The following MMS22L variants were observed in gnomAD, a reference collection of about 807,000 sequenced individuals.
The protein encoded by MMS22L is MMS22 like, DNA repair protein.
MMS22L carries 74 observed loss-of-function variants against 159.1 expected under a neutral mutation model. The observed-to-expected ratio is 0.47, with a 90% CI of 0.39 to 0.56. The LOEUF is 0.56. Ranked by LOEUF, MMS22L falls within the 20% of genes least tolerant of loss-of-function variation. The probability of loss-of-function intolerance (pLI) is 0.00; values close to 1 mark genes in which losing one functional copy is unlikely to be tolerated. For missense variants in MMS22L, 1,351 were observed against 1,422.1 expected, an observed-to-expected ratio of 0.95 and a Z score of 0.80; for synonymous variants, 517 against 506.9, an observed-to-expected ratio of 1.02 and a Z score of -0.27.
chr6:97,155,625 C>T (rs1801756973), intron 22 of MMS22L, among the ~76,000 whole-genome samples: 1 of 152,148 alleles, frequency 6.6e-6, no homozygotes, highest in South Asian at 2.1e-4. Context: ...CACCCACGTC[C>T]CTGCAAAGGA....
At chr6:97,203,161 G>T (rs2128303592) in intron 14 of MMS22L, among the ~76,000 whole-genome samples, 2 of 152,156 alleles carry the variant, frequency 1.3e-5, no homozygotes, top group Admixed American at 1.3e-4. Flanking sequence ...TTCTTATCTT[G>T]TTCTTCAAAA....
chr6:97,215,558 T>C (rs1426138322), intron 14 of MMS22L, among the ~76,000 whole-genome samples: 2 of 152,198 alleles, frequency 1.3e-5, no homozygotes, highest in Non-Finnish European at 2.9e-5. Flanking sequence ...TGAGCTCATC[T>C]GTGGCCCATG....
rs1804489134 is a variant in MMS22L, at chr6:97,179,565, G to A, written c.2385-6C>T. 6.3e-7 allele frequency: 1 copy of A among 1,587,988 alleles called. No homozygotes were observed. The highest frequency in any genetic ancestry group is 1.4e-5 in the African/African-American group (1 of 73,346). The stretch of plus-strand genomic sequence containing the variant: ...AAAGTGCTTCACATAATGTGCTGTA[G>A]AAACAAATTGACAAATATTTTTAAA... On this transcript the variant is annotated splice_polypyrimidine_tract_variant and splice_region_variant and intron_variant, in intron 16 of 24. Transcript: ENST00000683635.
chr6:97,265,276 A>C (rs1338498927), intron 8 of MMS22L: 1 of 152,222 alleles, frequency 6.6e-6, no homozygotes, highest in Non-Finnish European at 1.5e-5. Flanking sequence ...TTCTTCAATA[A>C]ACAGGTTGGG....
intron 17 of MMS22L, among the ~76,000 whole-genome samples, chr6:97,179,115 T>A (rs1217588812): frequency 5.3e-5 from 8 of 152,192 alleles, no homozygotes; most frequent in African/African-American, 1.9e-4. Context: ...TCAGTTTCTT[T>A]AAAAAAATAG....
chr6:97,217,106 T>C (rs1012083300), intron 14 of MMS22L, among the ~76,000 whole-genome samples: 4 of 152,180 alleles, frequency 2.6e-5, no homozygotes, highest in Admixed American at 2.0e-4. Flanking sequence ...GGTTTCATCC[T>C]AGAAAAATCA....
intron 4 of MMS22L, among the ~76,000 whole-genome samples, chr6:97,277,121 A>G (rs761134842): frequency 1.1e-4 from 16 of 152,190 alleles, no homozygotes; most frequent in Admixed American, 3.9e-4. Context: ...TTTTCATAAA[A>G]CATAAAAAAT....
At chr6:97,239,901 ACT>A (rs1241819710) in intron 11 of MMS22L, among the ~76,000 whole-genome samples, 2 of 152,134 alleles carry the variant, frequency 1.3e-5, no homozygotes. Flanking sequence ...ACAGTGAAAG[ACT>A]CTGTCTCTTT....
intron 14 of MMS22L, among the ~76,000 whole-genome samples, chr6:97,203,597 C>T (rs1807418276): frequency 6.6e-6 from 1 of 152,216 alleles, no homozygotes; most frequent in African/African-American, 2.4e-5. Flanking sequence ...CCTGTCCTTT[C>T]ATTCCACAGG....
chr6:97,262,557 A>AT (rs1814597443), intron 9 of MMS22L, among the ~76,000 whole-genome samples: 1 of 150,214 alleles, frequency 6.7e-6, no homozygotes, highest in Non-Finnish European at 1.5e-5. Flanking sequence ...AGGCACGAGA[A>AT]TTGCTTGAAC....
At chr6:97,172,234 C>T (rs759736546) in intron 19 of MMS22L, among the ~76,000 whole-genome samples, 7 of 151,940 alleles carry the variant, frequency 4.6e-5, no homozygotes, top group African/African-American at 1.7e-4. Flanking sequence ...GCCTGAATTG[C>T]TATAGCTTTT....
intron 13 of MMS22L, among the ~76,000 whole-genome samples, chr6:97,229,976 CA>C (rs1395333732): frequency 6.6e-6 from 1 of 152,172 alleles, no homozygotes; most frequent in East Asian, 1.9e-4. Context: ...CAATAGTTGA[CA>C]AAATAGTACA....
chr6:97,270,516 C>G (rs759450059), intron 6 of MMS22L: 2 of 277,400 alleles, frequency 7.2e-6, no homozygotes, highest in Admixed American at 4.7e-5. Flanking sequence ...CTCAATTCTA[C>G]CTGAGTCAAA....
intron 10 of MMS22L, among the ~76,000 whole-genome samples, chr6:97,248,476 C>A (rs183161738): frequency 2.0e-5 from 3 of 152,248 alleles, no homozygotes; most frequent in Admixed American, 2.0e-4. Flanking sequence ...TTATTTTTAG[C>A]AAAATTGTTG....
intron 14 of MMS22L, among the ~76,000 whole-genome samples, chr6:97,226,746 C>A (rs1325569663): frequency 6.6e-6 from 1 of 152,022 alleles, no homozygotes; most frequent in East Asian, 1.9e-4. Context: ...CTGGAAGGTT[C>A]TATAGAAACA....
intron 11 of MMS22L, among the ~76,000 whole-genome samples, chr6:97,238,273 A>G (rs528813527): frequency 3.3e-5 from 5 of 152,238 alleles, no homozygotes; most frequent in Non-Finnish European, 7.3e-5. Context: ...TGTTATCTGC[A>G]GGAGAGAAAT....
At chr6:97,175,639 A>G (rs1429974059) in intron 18 of MMS22L, among the ~76,000 whole-genome samples, 1 of 152,140 alleles carries the variant, frequency 6.6e-6, no homozygotes, top group Non-Finnish European at 1.5e-5. Flanking sequence ...CAGCTTCCCA[A>G]TGTTGACACA....
intron 14 of MMS22L, among the ~76,000 whole-genome samples, chr6:97,220,550 T>C (rs1013882379): frequency 3.9e-5 from 6 of 151,978 alleles, no homozygotes; most frequent in African/African-American, 1.5e-4. Context: ...AAGGAAGGCA[T>C]TGGAGGCAGG....
At chr6:97,215,360 T>C (rs1322322229) in intron 14 of MMS22L, among the ~76,000 whole-genome samples, 1 of 152,210 alleles carries the variant, frequency 6.6e-6, no homozygotes, top group East Asian at 1.9e-4. Flanking sequence ...CAGCCAAAGC[T>C]GATAAGTACC....
Sources: allele counts gnomAD v4.1 joint callset (sites outside exome capture counted in the v4.1 genomes callset), GRCh38; gene constraint gnomAD v4.1.1; transcripts MANE v1.5; gene names NCBI Gene and HGNC (gene_info 2026-07-23, HGNC 2026-07-21).